PEAK1: variants seen among roughly 807,000 people sequenced by gnomAD.
PEAK1 encodes the protein inactive tyrosine-protein kinase PEAK1.
A neutral mutation model predicts 124.7 loss-of-function variants in PEAK1; 54 were observed. The observed-to-expected ratio is 0.43, with a 90% CI of 0.35 to 0.54. PEAK1 has a LOEUF of 0.54. PEAK1 is among the 20% of genes least tolerant of loss of function. The pLI, the probability that PEAK1 is intolerant of heterozygous loss-of-function variation, is 0.01. For synonymous variants in PEAK1, 719 were observed against 760.0 expected (o/e 0.95, Z 0.89); for missense variants, 2,046 against 2,134.5 (o/e 0.96, Z 0.82).
intron 1 of PEAK1, among the ~76,000 whole-genome samples, chr15:77,386,893 G>T (rs1472014934): frequency 1.3e-5 from 2 of 152,070 alleles, no homozygotes; most frequent in Non-Finnish European, 2.9e-5. Context: ...AAATATACTG[G>T]AAATCAGCAG....
At chr15:77,363,113 C>T (rs576326422) in intron 2 of PEAK1, among the ~76,000 whole-genome samples, 4 of 152,288 alleles carry the variant, frequency 2.6e-5, no homozygotes, top group Admixed American at 2.6e-4. Context: ...GCCTCAGCCT[C>T]CCAAAGTGCT....
intron 2 of PEAK1, among the ~76,000 whole-genome samples, chr15:77,301,582 G>A (rs887059537): frequency 1.3e-5 from 2 of 152,108 alleles, no homozygotes; most frequent in Non-Finnish European, 2.9e-5. Flanking sequence ...CTGGGATAAT[G>A]TGTTTTGGGG....
intron 1 of PEAK1, among the ~76,000 whole-genome samples, chr15:77,384,984 G>C (rs1191198): frequency 0.011 from 1,615 of 152,198 alleles, 23 homozygotes; most frequent in African/African-American, 0.036. Context: ...ATGAAATAAA[G>C]GTGAAAGAGT....
chr15:77,137,979 C>G (rs770300902), intron 8 of PEAK1, among the ~76,000 whole-genome samples: 1 of 152,138 alleles, frequency 6.6e-6, no homozygotes, highest in Non-Finnish European at 1.5e-5. Flanking sequence ...GTAAGTCTCA[C>G]AAGATCTGAC....
chr15:77,280,473 A>T (rs2062604682), intron 5 of PEAK1, among the ~76,000 whole-genome samples: 1 of 152,116 alleles, frequency 6.6e-6, no homozygotes, highest in Admixed American at 6.5e-5. Flanking sequence ...TTCTAGTCTT[A>T]GTTCTGTTAC....
chr15:77,249,224 A>G (rs2060730992), intron 6 of PEAK1, among the ~76,000 whole-genome samples: 1 of 152,132 alleles, frequency 6.6e-6, no homozygotes, highest in Non-Finnish European at 1.5e-5. Flanking sequence ...ATAATGCTTT[A>G]AAGACCTATC....
chr15:77,217,405 CA>C (rs1435757919), intron 6 of PEAK1, among the ~76,000 whole-genome samples: 1 of 151,918 alleles, frequency 6.6e-6, no homozygotes, highest in Non-Finnish European at 1.5e-5. Flanking sequence ...TTCTGGAGGG[CA>C]AAAGAATGAT....
rs1303475089 is a variant in PEAK1 at position 77,256,666 on chromosome 15, A to C, written c.-274-4140T>G. Among the ~76,000 whole-genome samples, 5 of 150,574 alleles carry C rather than the reference A, an allele frequency of 3.3e-5. No homozygotes were observed. In the East Asian group the frequency reaches 5.8e-4, roughly 17 times the overall value. On this transcript the variant is annotated intron_variant, in intron 5 of 9. Coordinates refer to ENST00000682557, the MANE Select transcript of PEAK1 (RefSeq NM_001385026.1). ...TTCAAATGTCATGGTCCATAAATAAAATTTTATCAGAACATAGCCAGTTCA... is the reference window on the plus strand; with the variant it reads ...TTCAAATGTCATGGTCCATAAATAACATTTTATCAGAACATAGCCAGTTCA...
At chr15:77,208,198 C>T (rs1434061636) in intron 6 of PEAK1, among the ~76,000 whole-genome samples, 2 of 152,140 alleles carry the variant, frequency 1.3e-5, no homozygotes, top group African/African-American at 2.4e-5. Flanking sequence ...TCTTGAGGGG[C>T]AGTAACTATC....
intron 2 of PEAK1, chr15:77,352,619 C>T (rs2067274515): frequency 1.1e-6 from 1 of 951,844 alleles, no homozygotes; most frequent in Non-Finnish European, 1.3e-6. Flanking sequence ...TCATACCATA[C>T]TCATGAATAA....
intron 2 of PEAK1, chr15:77,347,638 T>C: frequency 1.0e-6 from 1 of 981,654 alleles, no homozygotes; most frequent in African/African-American, 1.7e-5. Context: ...AAAATTTTAA[T>C]GTAAATAACA....
chr15:77,167,094 T>C (rs2056154735), intron 7 of PEAK1, among the ~76,000 whole-genome samples: 1 of 151,970 alleles, frequency 6.6e-6, no homozygotes, highest in Non-Finnish European at 1.5e-5. Flanking sequence ...GCCTTCCTCC[T>C]CCAGAAAGAA....
At chr15:77,325,833 A>G (rs1012917257) in intron 2 of PEAK1, among the ~76,000 whole-genome samples, 1 of 152,170 alleles carries the variant, frequency 6.6e-6, no homozygotes, top group Admixed American at 6.6e-5. Flanking sequence ...ATTCTTTGAT[A>G]TGAATTTAGG....
intron 6 of PEAK1, among the ~76,000 whole-genome samples, chr15:77,224,598 G>C (rs1248605458): frequency 6.6e-6 from 1 of 151,982 alleles, no homozygotes; most frequent in Non-Finnish European, 1.5e-5. Context: ...AACTCCTATA[G>C]AGACACTTCC....
rs1284183684 is a variant in PEAK1, at chr15:77,335,415, C to CT, written c.-603+29747dup. ...AATTTAGATGGGTGAAGATAGGAAA[C>CT]TTTTTTTTCTGCTATTTTGCCCAAT... On this transcript the variant is annotated intron_variant, in intron 2 of 9. Transcript: ENST00000682557. 4 of 984,966 alleles carry CT rather than the reference C, an allele frequency of 4.1e-6. No homozygotes were observed. In the African/African-American group the frequency reaches 7.0e-5, roughly 17 times the overall value. 61.0% of individuals were successfully genotyped at this position (984,966 alleles called of 1,614,324 possible).
chr15:77,164,431 A>C (rs534276928), intron 7 of PEAK1, among the ~76,000 whole-genome samples: 1 of 152,366 alleles, frequency 6.6e-6, no homozygotes, highest in East Asian at 1.9e-4. Flanking sequence ...GACTGGCAGC[A>C]ATGTGCAAGG....
intron 2 of PEAK1, chr15:77,334,946 A>G (rs965959299): frequency 1.6e-5 from 16 of 985,246 alleles, no homozygotes; most frequent in Non-Finnish European, 1.8e-5. Flanking sequence ...CTTTTTGAGA[A>G]CACAAATCTC....
At chr15:77,137,385 T>C (rs751633730) in intron 8 of PEAK1, among the ~76,000 whole-genome samples, 2 of 152,162 alleles carry the variant, frequency 1.3e-5, no homozygotes, top group African/African-American at 4.8e-5. Flanking sequence ...AGACACTCAA[T>C]GCCAGCCCCT....
chr15:77,337,033 A>G (rs754388331), intron 2 of PEAK1: 42 of 736,422 alleles, frequency 5.7e-5, no homozygotes, highest in Non-Finnish European at 7.0e-5. Flanking sequence ...ACTAGATTAT[A>G]GTAGGTGTTT....
Sources: gnomAD v4.1 joint callset for allele counts (sites outside exome capture counted in the v4.1 genomes callset) on GRCh38, gnomAD v4.1.1 for gene constraint, MANE v1.5 for transcripts, NCBI Gene and HGNC (gene_info 2026-07-23, HGNC 2026-07-21) for gene names.